The following ZNF469 variants were observed in gnomAD, a reference collection of about 807,000 sequenced individuals.
ZNF469 encodes zinc finger protein 469.
In ZNF469, 1 loss-of-function variant was observed where a neutral mutation model predicts 1.0. The observed-to-expected ratio is 1.00, with a 90% CI of 0.35 to 4.73. ZNF469 has a LOEUF of 4.73. Among genes scored for constraint, ZNF469 ranks in the 30% most tolerant of loss-of-function variants. ZNF469 has a pLI of 0.16. For missense variants in ZNF469, 6,100 were observed against 5,356.3 expected, an observed-to-expected ratio of 1.14 and a Z score of -4.33; for synonymous variants, 2,703 against 2,363.4, an observed-to-expected ratio of 1.14 and a Z score of -4.17.
At chr16:88,130,712 A>C in the ZNF469 span, among the ~76,000 whole-genome samples, 2 of 146,888 alleles carry the variant, frequency 1.4e-5, no homozygotes, top group African/African-American at 2.7e-5. Flanking sequence ...GTGTCAAAAA[A>C]AAAAAAAAAA....
rs148029127 is a variant in ZNF469 at position 88,419,338 on chromosome 16, G to A, written c.-191-5469G>A. On this transcript the variant is annotated intron_variant, in intron 1 of 2. Coordinates refer to ENST00000565624, the MANE Select transcript of ZNF469 (RefSeq NM_001367624.2). ...CCGACAGACTGGACCGAGCTGGTCC[G>A]AGGACGGGCCGGTGCCTCCCAAACA... Among the ~76,000 whole-genome samples, 466 of 152,298 alleles carry A rather than the reference G, an allele frequency of 3.1e-3. 4 individuals are homozygous for A. The highest frequency in any genetic ancestry group is 0.011 in the African/African-American group (441 of 41,562).
chr16:88,410,653 T>C (rs1478088324), intron 1 of ZNF469, among the ~76,000 whole-genome samples: 1 of 148,798 alleles, frequency 6.7e-6, no homozygotes, highest in African/African-American at 2.5e-5. Context: ...ATGCTGTTGA[T>C]GGTGCAAGTC....
At chr16:88,115,061 G>T in the ZNF469 span, among the ~76,000 whole-genome samples, 1 of 152,186 alleles carries the variant, frequency 6.6e-6, no homozygotes, top group Admixed American at 6.5e-5. Flanking sequence ...GTGAACGGTG[G>T]CTCCGCAGGG....
At chr16:88,262,870 G>T in the ZNF469 span, among the ~76,000 whole-genome samples, 152,162 of 152,174 alleles carry the variant, frequency 1, 76,075 homozygotes, top group Non-Finnish European at 1. The surrounding 1 kb of genome is among the most constrained non-coding windows in gnomAD (Gnocchi z 4.3). Context: ...AACAGGCTTC[G>T]GGCAGATCTG....
chr16:88,157,067 G>C, the ZNF469 span, among the ~76,000 whole-genome samples: 8 of 152,336 alleles, frequency 5.3e-5, no homozygotes, highest in African/African-American at 1.9e-4. Flanking sequence ...GGCCCATGCA[G>C]CCGATGCAGG....
the ZNF469 span, among the ~76,000 whole-genome samples, chr16:88,329,399 A>G: frequency 6.6e-6 from 1 of 152,230 alleles, no homozygotes; most frequent in Non-Finnish European, 1.5e-5. Flanking sequence ...CACCAACCGC[A>G]CATCGCTGCC....
chr16:88,368,099 C>A, the ZNF469 span, among the ~76,000 whole-genome samples: 1 of 152,238 alleles, frequency 6.6e-6, no homozygotes, highest in Non-Finnish European at 1.5e-5. Flanking sequence ...AGAGAACAAT[C>A]CCGCGCTTAT....
chr16:88,372,413 C>CCATCACCAT, the ZNF469 span, among the ~76,000 whole-genome samples: 24 of 149,688 alleles, frequency 1.6e-4, no homozygotes, highest in African/African-American at 5.4e-4. Flanking sequence ...ACCATCATCA[C>CCATCACCAT]CATCACCATC....
the ZNF469 span, among the ~76,000 whole-genome samples, chr16:88,364,149 T>A: frequency 6.6e-6 from 1 of 152,360 alleles, no homozygotes; most frequent in Non-Finnish European, 1.5e-5. Flanking sequence ...AAATTGAGTT[T>A]TGAGTATGAT....
the ZNF469 span, among the ~76,000 whole-genome samples, chr16:88,285,318 G>C: frequency 6.6e-6 from 1 of 152,270 alleles, no homozygotes. Context: ...AGAGTTCTGA[G>C]CAGGGCCCAC....
the ZNF469 span, chr16:88,194,900 C>CTG: frequency 6.6e-6 from 1 of 152,322 alleles, no homozygotes; most frequent in African/African-American, 2.4e-5. Flanking sequence ...ATCGGTGGGG[C>CTG]TGGTCCACGT....
Position 88,429,751 on chromosome 16 carries a change from A to G in ZNF469, c.2281A>G (p.Lys761Glu). Residue 761 changes from lysine to glutamate, a missense_variant, in exon 3 of 3, where the codon AAG becomes GAG. Transcript: ENST00000565624. Reference protein sequence around the residue: ...QFCGLLLARAKDGHQRSPGPP... With the variant: ...QFCGLLLARAEDGHQRSPGPP... ...CTGTGGCCTGCTCCTGGCCAGGGCCAAGGATGGCCACCAGCGGTCTCCAGG... is the reference window on the plus strand; with the variant it reads ...CTGTGGCCTGCTCCTGGCCAGGGCCGAGGATGGCCACCAGCGGTCTCCAGG... The G allele has an allele frequency of 6.5e-7, 1 of 1,544,664 alleles. No individual in the cohort carries two copies. Among genetic ancestry groups the G allele is most frequent in the Non-Finnish European group, 8.7e-7 (1 of 1,144,768 alleles).
intron 1 of ZNF469, among the ~76,000 whole-genome samples, chr16:88,397,674 A>ATAGATAGATAGATAGATAGG (rs1419976373): frequency 6.6e-6 from 1 of 150,468 alleles, no homozygotes; most frequent in Non-Finnish European, 1.5e-5. Flanking sequence ...AGATAGATAG[A>ATAGATAGATAGATAGATAGG]TAGATAGATG....
At chr16:88,333,680 G>A in the ZNF469 span, among the ~76,000 whole-genome samples, 103 of 138,692 alleles carry the variant, frequency 7.4e-4, 2 homozygotes, top group South Asian at 0.019. Flanking sequence ...ATGTGTGGCC[G>A]GGGCTGCCTG....
chr16:88,237,213 T>C, the ZNF469 span, among the ~76,000 whole-genome samples: 1 of 8,136 alleles, frequency 1.2e-4, no homozygotes, highest in African/African-American at 3.0e-4. Context: ...CTCCTGCCAG[T>C]CACCCTCCCT....
At chr16:88,300,558 G>C in the ZNF469 span, among the ~76,000 whole-genome samples, 348 of 152,124 alleles carry the variant, frequency 2.3e-3, 1 homozygote, top group Non-Finnish European at 3.5e-3. Flanking sequence ...CGCTTCTCTC[G>C]GTGGCTCCAT....
the ZNF469 span, among the ~76,000 whole-genome samples, chr16:88,306,596 G>A: frequency 6.1e-4 from 93 of 152,316 alleles, no homozygotes; most frequent in African/African-American, 1.3e-3. Flanking sequence ...CCAACAGCCT[G>A]AAGCCCCATG....
At chr16:88,426,443 C>T (rs568285286) in intron 2 of ZNF469, among the ~76,000 whole-genome samples, 5 of 152,396 alleles carry the variant, frequency 3.3e-5, no homozygotes, top group Non-Finnish European at 7.3e-5. Context: ...GAGTCCTGTC[C>T]GCACAGAGGA....
the ZNF469 span, among the ~76,000 whole-genome samples, chr16:88,101,991 C>G: frequency 6.6e-6 from 1 of 152,078 alleles, no homozygotes; most frequent in African/African-American, 2.4e-5. Flanking sequence ...GGGACTTAAG[C>G]GACGGAACAG....
Sources: gnomAD v4.1 joint callset for allele counts (sites outside exome capture counted in the v4.1 genomes callset) on GRCh38, gnomAD v4.1.1 for gene constraint, Gnocchi (gnomAD v3.1) non-coding constraint, MANE v1.5 for transcripts, NCBI Gene and HGNC (gene_info 2026-07-23, HGNC 2026-07-21) for gene names.